The following CD72 variants were observed in gnomAD, a reference collection of about 807,000 sequenced individuals.
CD72 encodes CD72 molecule, also known as B-cell differentiation antigen CD72.
CD72 carries 28 observed loss-of-function variants against 50.7 expected under a neutral mutation model. The ratio of observed to expected loss-of-function variants is 0.55; its 90% confidence interval spans 0.41 to 0.76. The LOEUF is 0.76. CD72 is among the 30% of genes least tolerant of loss of function. CD72 has a pLI of 0.00. For missense variants in CD72, 403 were observed against 420.6 expected (o/e 0.96, Z 0.37); for synonymous variants, 176 against 171.2 (o/e 1.03, Z -0.22).
At chr9:35,610,522 TG>T in intron 8 of CD72, 79 bp downstream of exon 8, 1 of 881,354 alleles carries the variant, frequency 1.1e-6, no homozygotes, top group Non-Finnish European at 1.5e-6. Flanking sequence ...CTCGGGCCCC[TG>T]GGCCCCTGCT....
intron 2 of CD72, 77 bp from the exon 3 acceptor site, chr9:35,617,324 C>G (rs1823081850): frequency 6.8e-7 from 1 of 1,464,456 alleles, no homozygotes. Context: ...CCGCTTCGCC[C>G]TCGCCACTGG....
chr9:35,633,106 C>CT (rs796211569), intron 1 of CD72, among the ~76,000 whole-genome samples: 360 of 139,042 alleles, frequency 2.6e-3, no homozygotes, highest in African/African-American at 5.2e-3. Flanking sequence ...AATTTTTGTA[C>CT]TTTTTTTTTT....
chr9:35,611,087 T>G (rs1322616119), intron 7 of CD72, among the ~76,000 whole-genome samples: 1 of 152,066 alleles, frequency 6.6e-6, no homozygotes, highest in Non-Finnish European at 1.5e-5. Context: ...CCGTCTCTAC[T>G]AAAAATACAA....
intron 1 of CD72, among the ~76,000 whole-genome samples, chr9:35,637,359 C>T (rs562861260): frequency 1.3e-5 from 2 of 152,286 alleles, no homozygotes; most frequent in Admixed American, 6.5e-5. Flanking sequence ...GCTGAAGACC[C>T]GGGACAGGAG....
At chr9:35,639,526 T>C (rs1410271444) in intron 1 of CD72, among the ~76,000 whole-genome samples, 1 of 152,198 alleles carries the variant, frequency 6.6e-6, no homozygotes, top group African/African-American at 2.4e-5. Flanking sequence ...GGAGACAGTG[T>C]AAATTCAGAT....
intron 6 of CD72, 79 bp downstream of exon 6, chr9:35,612,758 GCCATGTGTGCA>G: frequency 1.6e-6 from 2 of 1,223,068 alleles, no homozygotes; most frequent in Non-Finnish European, 2.4e-6. Flanking sequence ...GGCCACCCCA[GCCATGTGTGCA>G]CTGCCATTCC....
chr9:35,618,795 G>T, upstream of CD72: 2 of 1,286,900 alleles, frequency 1.6e-6, no homozygotes, highest in Non-Finnish European at 2.0e-6. Flanking sequence ...ATGAGACTGG[G>T]GGTTCCTGGT....
exon 1 of CD72, chr9:35,646,424 G>C (rs113732032): frequency 6.6e-6 from 1 of 152,240 alleles, no homozygotes; most frequent in Non-Finnish European, 1.5e-5. Flanking sequence ...GACGGGGAGA[G>C]AAATCACAGG....
At chr9:35,629,081 T>A (rs902450454) in intron 1 of CD72, among the ~76,000 whole-genome samples, 8 of 152,044 alleles carry the variant, frequency 5.3e-5, no homozygotes, top group Non-Finnish European at 1.5e-5. Context: ...TCTCTCTAGT[T>A]GCCCAGGTTG....
At chr9:35,610,487 C>A (rs148620927) in intron 8 of CD72, 115 bp downstream of exon 8, 8 of 455,822 alleles carry the variant, frequency 1.8e-5, no homozygotes, top group African/African-American at 1.3e-4. Context: ...TGTGGAGGAA[C>A]TTTCATCCCA....
chr9:35,639,838 C>T (rs1365008229), intron 1 of CD72, among the ~76,000 whole-genome samples: 1 of 152,092 alleles, frequency 6.6e-6, no homozygotes, highest in Non-Finnish European at 1.5e-5. Flanking sequence ...TAAAAACCAA[C>T]CAGTTGTTAC....
At chr9:35,641,185 C>CGG (rs35996123) in intron 1 of CD72, among the ~76,000 whole-genome samples, 5 of 151,602 alleles carry the variant, frequency 3.3e-5, no homozygotes, top group African/African-American at 7.3e-5. Context: ...GAGATTTCCT[C>CGG]GGGGGGGGTG....
upstream of CD72, among the ~76,000 whole-genome samples, chr9:35,621,776 G>A (rs1823148913): frequency 6.6e-6 from 1 of 152,158 alleles, no homozygotes; most frequent in African/African-American, 2.4e-5. Flanking sequence ...CAACCCATAG[G>A]TCCTGATTTT....
upstream of CD72, among the ~76,000 whole-genome samples, chr9:35,623,332 G>C (rs900532345): frequency 7.5e-5 from 11 of 147,252 alleles, no homozygotes; most frequent in African/African-American, 3.0e-4. Context: ...TGGGAAACTG[G>C]ACTCAGCAGG....
At chr9:35,638,838 G>C (rs1455961793) in intron 1 of CD72, among the ~76,000 whole-genome samples, 1 of 151,922 alleles carries the variant, frequency 6.6e-6, no homozygotes, top group African/African-American at 2.4e-5. Flanking sequence ...AGCTAGGCGA[G>C]ATTACATGAT....
chr9:35,615,795 C>G, intron 5 of CD72, 148 bp downstream of exon 5: 1 of 643,846 alleles, frequency 1.6e-6, no homozygotes, highest in Non-Finnish European at 2.7e-6. Flanking sequence ...CTCTGTTGGC[C>G]AAGGCTGAAC....
At chr9:35,640,829 C>A (rs904338599) in intron 1 of CD72, among the ~76,000 whole-genome samples, 2 of 152,234 alleles carry the variant, frequency 1.3e-5, no homozygotes, top group Non-Finnish European at 1.5e-5. Context: ...GTTGCCATTG[C>A]CGGCTTGAAT....
rs754460644 is a variant in CD72, at chr9:35,610,641, A to G, written c.1063T>C (p.Phe355Leu). 1.2e-6 allele frequency: 2 copies of G among 1,613,922 alleles called. No homozygotes were observed. The highest frequency in any genetic ancestry group is 2.7e-5 in the African/African-American group (2 of 74,934). The part of the protein sequence containing the change: ...SLPYICEMTA[F>L]RFPD ...GGACTGTCCTAATCTGGAAACCTGA[A>G]AGCTGTCATCTCACAGATGTAGGGA... The change falls in exon 8 of 9, where the codon TTC becomes CTC. Residue 355 changes from phenylalanine to leucine, a missense_variant. Transcript: ENST00000259633.
At chr9:35,623,538 A>G (rs1823164371), upstream of CD72, among the ~76,000 whole-genome samples, 1 of 152,090 alleles carries the variant, frequency 6.6e-6, no homozygotes, top group Non-Finnish European at 1.5e-5. Context: ...CTTTTTAAGC[A>G]GGCAAACCCC....
Sources: allele counts gnomAD v4.1 joint callset (sites outside exome capture counted in the v4.1 genomes callset), GRCh38; gene constraint gnomAD v4.1.1; transcripts MANE v1.5; gene names NCBI Gene and HGNC (gene_info 2026-07-23, HGNC 2026-07-21).